Variants in WNT11 observed in about 807,000 individuals in gnomAD.
WNT11 encodes Wnt family member 11, also known as protein Wnt-11.
A neutral mutation model predicts 35.6 loss-of-function variants in WNT11; 20 were observed. The ratio of observed to expected loss-of-function variants is 0.56; its 90% CI spans 0.40 to 0.82. The LOEUF is 0.82. Among genes scored for constraint, WNT11 ranks in the 40% least tolerant of loss-of-function variants. The probability of loss-of-function intolerance (pLI) is 0.00; values close to 1 mark genes in which losing one functional copy is unlikely to be tolerated. For missense variants in WNT11, 459 were observed against 504.4 expected, an observed-to-expected ratio of 0.91 and a Z score of 0.86; for synonymous variants, 200 against 211.9, an observed-to-expected ratio of 0.94 and a Z score of 0.49.
intron 1 of WNT11, among the ~76,000 whole-genome samples, chr11:76,200,069 C>T (rs1292454361): frequency 6.6e-6 from 1 of 152,158 alleles, no homozygotes; most frequent in African/African-American, 2.4e-5. Context: ...TGCCATGTCC[C>T]ACCCACCCTA....
intron 1 of WNT11, 141 bp from the exon 2 acceptor site, chr11:76,196,859 G>C (rs902682089): frequency 2.1e-6 from 2 of 943,648 alleles, no homozygotes; most frequent in Middle Eastern, 3.4e-4. Context: ...TCCAAAAAAG[G>C]CTCCCAAACT....
chr11:76,194,985 C>T lies in WNT11; in HGVS notation c.320-141G>A. The T allele has an allele frequency of 9.6e-7, 1 of 1,044,890 alleles. No homozygotes were observed. The highest frequency in any genetic ancestry group is 1.3e-6 in the Non-Finnish European group (1 of 748,072). The allele number at this position is 1,044,890 out of a possible 1,614,324, so 64.7% of individuals were successfully genotyped here. A position where few individuals can be genotyped will look rare whatever the true frequency, so the allele number is the denominator to read the frequency against. ...GTCGGCACTAGGGCCATTGAGATGT[C>T]ACCCCTGCTTCCCCAATTCCTTCTG... On this transcript the variant is annotated intron_variant, in intron 2 of 4. Transcript: ENST00000322563. This position sits in a 1 kb window ranked among gnomAD's most constrained non-coding sequence, Gnocchi z 5.4.
chr11:76,188,947 G>C (rs1305651365), intron 4 of WNT11, among the ~76,000 whole-genome samples: 1 of 152,192 alleles, frequency 6.6e-6, no homozygotes, highest in Admixed American at 6.5e-5. Context: ...TGGGGGAGAG[G>C]CCAGGCCTGA....
intron 1 of WNT11, among the ~76,000 whole-genome samples, chr11:76,203,149 A>C (rs965384211): frequency 6.6e-6 from 1 of 152,238 alleles, no homozygotes; most frequent in Non-Finnish European, 1.5e-5. Flanking sequence ...GTACGCAGCC[A>C]ATCAGAGGCA....
chr11:76,187,065 T>C lies in WNT11; in HGVS notation c.1065A>G (p.Ter355TrpextTer74). ...CCTGCGTGGGGCGGAGGGCAGGGCC[T>C]CACTTGCAGACATAGCGCTCCACGG... is the stretch of plus-strand genomic sequence containing the variant. ...ERTVERYVCK* is the reference protein window; with the variant it reads ...ERTVERYVCKW The change falls in exon 5 of 5, where the codon TGA becomes TGG. Residue 355 changes from the stop codon to tryptophan (W), a stop_lost. Coordinates refer to ENST00000322563, the MANE Select transcript of WNT11 (RefSeq NM_004626.3). The C allele has an allele frequency of 6.2e-7, 1 of 1,609,968 alleles. No individual in the cohort carries two copies. Among genetic ancestry groups the C allele is most frequent in the Non-Finnish European group, 8.5e-7 (1 of 1,179,924 alleles).
chr11:76,190,095 G>C (rs1442400144), intron 4 of WNT11, among the ~76,000 whole-genome samples: 1 of 152,154 alleles, frequency 6.6e-6, no homozygotes, highest in African/African-American at 2.4e-5. Flanking sequence ...GAGGGGAGAT[G>C]CTAGGTAAGT....
rs1953237076 is a variant in WNT11, at chr11:76,194,416, G to T, written c.597+151C>A. 3.2e-6 allele frequency: 3 copies of T among 949,088 alleles called. No homozygotes were observed. The highest frequency in any genetic ancestry group is 3.3e-5 in the African/African-American group (2 of 60,062). 58.8% of individuals were successfully genotyped at this position (949,088 alleles called of 1,614,324 possible). A position where few individuals can be genotyped will look rare whatever the true frequency, so the allele number is the denominator to read the frequency against. ...GCCCCAAGCAGCTGGCGAGGGAAGG[G>T]CTGAGGATGAGGATGGTGCGAGGCA... On this transcript the variant is annotated intron_variant, in intron 3 of 4. Coordinates refer to ENST00000322563, the MANE Select transcript of WNT11 (RefSeq NM_004626.3). This position sits in a 1 kb window ranked among gnomAD's most constrained non-coding sequence, Gnocchi z 5.4.
Position 76,194,997 on chromosome 11 carries a change from CCCAATT to C in WNT11, c.320-159_320-154del, listed in dbSNP as rs1953258844. On this transcript the variant is annotated intron_variant, in intron 2 of 4. Transcript: ENST00000322563. The surrounding 1 kb of genome is among the most constrained non-coding windows in gnomAD (Gnocchi z 5.4). Reference sequence around the variant, plus strand: ...GCCATTGAGATGTCACCCCTGCTTCCCCAATTCCTTCTGAATATACCAGCTGACAGC... The same window carrying C: ...GCCATTGAGATGTCACCCCTGCTTCCCCTTCTGAATATACCAGCTGACAGC... 1 of 952,114 alleles carries C rather than the reference CCCAATT, an allele frequency of 1.1e-6. No homozygotes were observed. The highest frequency in any genetic ancestry group is 1.5e-6 in the Non-Finnish European group (1 of 663,748). 59.0% of individuals were successfully genotyped at this position (952,114 alleles called of 1,614,324 possible). A position where few individuals can be genotyped will look rare whatever the true frequency, so the allele number is the denominator to read the frequency against.
Position 76,206,347 on chromosome 11 carries a change from C to T in WNT11, c.61G>A (p.Val21Met), listed in dbSNP as rs772524155. ...CACAGCCACTTGATGCCATAGCACACGCCGGTCTGGAGCGCCAGGGCGAAG... is the reference window on the plus strand; with the variant it reads ...CACAGCCACTTGATGCCATAGCACATGCCGGTCTGGAGCGCCAGGGCGAAG... The part of the protein sequence containing the change: ...LLFALALQTG[V>M]CYGIKWLALS... Residue 21 changes from valine to methionine, a missense_variant, in exon 1 of 5, where the codon GTG becomes ATG. Transcript: ENST00000322563. 2.5e-6 allele frequency: 4 copies of T among 1,574,246 alleles called. No homozygotes were observed. The highest frequency in any genetic ancestry group is 1.7e-6 in the Non-Finnish European group (2 of 1,164,774).
At position 76,206,480 on chromosome 11, in the gene WNT11, C is replaced by A; in HGVS notation, c.-73G>T. 2 of 1,301,796 alleles carry A rather than the reference C, an allele frequency of 1.5e-6. No homozygotes were observed. Among genetic ancestry groups the A allele is most frequent in the South Asian group, 2.2e-5 (1 of 45,252 alleles). The allele number at this position is 1,301,796 out of a possible 1,614,324, so 80.6% of individuals were successfully genotyped here. On this transcript the variant is annotated 5_prime_UTR_variant, in exon 1 of 5. Coordinates refer to ENST00000322563, the MANE Select transcript of WNT11 (RefSeq NM_004626.3). ...CGAAGTCCTCCGCCTGCACGGCCGC[C>A]GCTGGTCCTGCACGCCGCCTGCAGC...
intron 4 of WNT11, among the ~76,000 whole-genome samples, chr11:76,188,705 C>T (rs1953133525): frequency 6.6e-6 from 1 of 152,240 alleles, no homozygotes; most frequent in African/African-American, 2.4e-5. Flanking sequence ...GGGAGAGGGG[C>T]CTTGCCCGTG....
intron 3 of WNT11, among the ~76,000 whole-genome samples, chr11:76,192,556 G>A (rs566865878): frequency 1.3e-5 from 2 of 152,374 alleles, no homozygotes; most frequent in East Asian, 3.9e-4. Context: ...CTTGCAGAGA[G>A]CTGTAAGGAT....
rs933958677 is a variant in WNT11, at chr11:76,205,815, T to C, written c.83+510A>G. 2.6e-5 allele frequency among the ~76,000 whole-genome samples: 4 copies of C among 152,150 alleles called. No individual in the cohort carries two copies. The South Asian group carries it at 8.3e-4, about 32-fold the overall frequency. ...AGGTCCTTTCAGGAGCCTCTTCTCA[T>C]CTGATTTGAGGGAGGTGGGGAGTCT... is the stretch of plus-strand genomic sequence containing the variant. On this transcript the variant is annotated intron_variant, in intron 1 of 4. Coordinates refer to ENST00000322563, the MANE Select transcript of WNT11 (RefSeq NM_004626.3).
chr11:76,199,230 G>T (rs1163282518), intron 1 of WNT11, among the ~76,000 whole-genome samples: 1 of 152,130 alleles, frequency 6.6e-6, no homozygotes, highest in Non-Finnish European at 1.5e-5. Flanking sequence ...TCATGTCTAT[G>T]ATCTCAGCTA....
At chr11:76,208,576 G>GC (rs1953509122), upstream of WNT11, among the ~76,000 whole-genome samples, 1 of 152,120 alleles carries the variant, frequency 6.6e-6, no homozygotes. Flanking sequence ...AAAGTGCGCC[G>GC]CCCCCCGAAG....
chr11:76,201,816 A>G (rs1224364514), intron 1 of WNT11, among the ~76,000 whole-genome samples: 1 of 152,114 alleles, frequency 6.6e-6, no homozygotes, highest in Non-Finnish European at 1.5e-5. Context: ...CATTGGTAAC[A>G]CAAGCTGCCA....
chr11:76,210,185 G>C (rs1445443617), upstream of WNT11, among the ~76,000 whole-genome samples: 1 of 152,028 alleles, frequency 6.6e-6, no homozygotes, highest in African/African-American at 2.4e-5. Flanking sequence ...AGGGGGGCCG[G>C]GCCGGGAAAG....
At position 76,191,664 on chromosome 11, in the gene WNT11, C is replaced by T. The variant is rs1953186381; in HGVS notation, c.790G>A (p.Asp264Asn). The T allele has an allele frequency of 5.6e-6, 9 of 1,614,062 alleles. No individual in the cohort carries two copies. The highest frequency in any genetic ancestry group is 7.6e-6 in the Non-Finnish European group (9 of 1,180,032). ...TCCGAGTCCTTCACAGGCCGGATAT[C>T]CAGGTCCTTGGGCACCAGGTGCTTG... ...TRKHLVPKDL[D>N]IRPVKDSELV... The change falls in exon 4 of 5, where the codon GAT becomes AAT. Residue 264 changes from aspartate to asparagine, a missense_variant. Physicochemically the swap from Asp to Asn is conservative, Grantham distance 23. Transcript: ENST00000322563.
Position 76,186,687 on chromosome 11 carries a change from C to T in WNT11, c.*378G>A. On this transcript the variant is annotated 3_prime_UTR_variant, in exon 5 of 5. Coordinates refer to ENST00000322563, the MANE Select transcript of WNT11 (RefSeq NM_004626.3). Reference sequence around the variant, plus strand: ...CAGACCCCAGGGTGGGCCAGGGGGTCCCGCAGAACATTCTGAAGAAGGCGG... The same window carrying T: ...CAGACCCCAGGGTGGGCCAGGGGGTTCCGCAGAACATTCTGAAGAAGGCGG... 1 of 364,298 alleles carries T rather than the reference C, an allele frequency of 2.7e-6. No homozygotes were observed. The highest frequency in any genetic ancestry group is 5.4e-6 in the Non-Finnish European group (1 of 183,862). 22.6% of individuals were successfully genotyped at this position (364,298 alleles called of 1,614,324 possible).
Sources: allele counts gnomAD v4.1 joint callset (sites outside exome capture counted in the v4.1 genomes callset), GRCh38; gene constraint gnomAD v4.1.1; non-coding constraint Gnocchi (gnomAD v3.1); transcripts MANE v1.5; gene names NCBI Gene and HGNC (gene_info 2026-07-23, HGNC 2026-07-21).